The following DSCAM variants were observed in gnomAD, a reference collection of about 807,000 sequenced individuals.
DSCAM encodes DS cell adhesion molecule, also known as cell adhesion molecule DSCAM.
DSCAM carries 47 observed loss-of-function variants against 217.7 expected under a neutral mutation model. That is an observed-to-expected ratio of 0.22 (90% CI 0.17 to 0.28). DSCAM has a LOEUF of 0.28. DSCAM is among the 10% of genes least tolerant of loss of function. The pLI is 1.00. For missense variants in DSCAM, 2,080 were observed against 2,618.3 expected, an observed-to-expected ratio of 0.79 and a Z score of 4.49; for synonymous variants, 1,056 against 1,015.3, an observed-to-expected ratio of 1.04 and a Z score of -0.76.
In DSCAM at chr21:40,617,147, G is replaced by A. The variant is rs1335529043; in HGVS notation, c.508+75663C>T. Among the ~76,000 whole-genome samples, 76 of 131,248 alleles carry A rather than the reference G, an allele frequency of 5.8e-4. 1 individual carries two copies. The highest frequency in any genetic ancestry group is 2.1e-3 in the South Asian group (8 of 3,882). 86.1% of individuals were successfully genotyped at this position (131,248 alleles called of 152,430 possible). A position where few individuals can be genotyped will look rare whatever the true frequency, so the allele number is the denominator to read the frequency against. ...TTTTTTTTTTTTTTTTTTTTAAGAC[G>A]GAGTCTTGCTCAGTTGCCCAGGCTG... On this transcript the variant is annotated intron_variant, in intron 3 of 32. Coordinates refer to ENST00000400454, the MANE Select transcript of DSCAM (RefSeq NM_001389.5).
At chr21:40,338,477 A>C in intron 7 of DSCAM, 101 bp from the exon 8 acceptor site, 2 of 1,213,118 alleles carry the variant, frequency 1.6e-6, no homozygotes, top group Non-Finnish European at 2.3e-6. Context: ...GATTATATTC[A>C]TGTAAGCACA....
chr21:40,614,019 C>T (rs2089351754), intron 3 of DSCAM, among the ~76,000 whole-genome samples: 1 of 152,156 alleles, frequency 6.6e-6, no homozygotes, highest in African/African-American at 2.4e-5. Flanking sequence ...AGGAAAAAAG[C>T]ACACCCATAT....
At chr21:40,835,827 AT>A (rs1163862772) in intron 1 of DSCAM, among the ~76,000 whole-genome samples, 1 of 152,168 alleles carries the variant, frequency 6.6e-6, no homozygotes, top group African/African-American at 2.4e-5. Context: ...ACTGCCCTCT[AT>A]TTTGTCATAT....
chr21:40,471,559 G>T (rs1324886534), intron 3 of DSCAM, among the ~76,000 whole-genome samples: 2 of 152,164 alleles, frequency 1.3e-5, no homozygotes, highest in Non-Finnish European at 2.9e-5. Context: ...TGATCAGCTG[G>T]CTATGATTTT....
intron 3 of DSCAM, among the ~76,000 whole-genome samples, chr21:40,401,179 A>C (rs1322049134): frequency 6.6e-6 from 1 of 152,238 alleles, no homozygotes; most frequent in African/African-American, 2.4e-5. Flanking sequence ...AAGTAACAGT[A>C]ACAGGAAAAG....
At chr21:40,344,575 C>T (rs2074537697) in intron 6 of DSCAM, among the ~76,000 whole-genome samples, 1 of 152,108 alleles carries the variant, frequency 6.6e-6, no homozygotes, top group Non-Finnish European at 1.5e-5. Context: ...GTTTTCTTTT[C>T]AACATTTTAA....
At chr21:40,490,831 A>C (rs2076070829) in intron 3 of DSCAM, among the ~76,000 whole-genome samples, 1 of 152,238 alleles carries the variant, frequency 6.6e-6, no homozygotes, top group African/African-American at 2.4e-5. Flanking sequence ...ATTCCTTGTC[A>C]CTGGGGATTT....
chr21:40,396,814 T>C (rs1443636146), intron 3 of DSCAM, among the ~76,000 whole-genome samples: 3 of 152,294 alleles, frequency 2.0e-5, no homozygotes, highest in Non-Finnish European at 2.9e-5. Flanking sequence ...TGAATAAACA[T>C]AGAAATTGAC....
chr21:40,768,179 C>A (rs1249537805), intron 1 of DSCAM, among the ~76,000 whole-genome samples: 2 of 152,138 alleles, frequency 1.3e-5, no homozygotes, highest in African/African-American at 4.8e-5. Flanking sequence ...CTGAACTGCA[C>A]CCAGATTGCA....
chr21:40,650,690 C>T (rs1021153777), intron 3 of DSCAM, among the ~76,000 whole-genome samples: 20 of 152,244 alleles, frequency 1.3e-4, no homozygotes, highest in Non-Finnish European at 1.0e-4. Flanking sequence ...CCAAGGCGGG[C>T]GGATCATGAG....
intron 1 of DSCAM, among the ~76,000 whole-genome samples, chr21:40,740,481 T>C (rs1373522658): frequency 6.6e-6 from 1 of 152,242 alleles, no homozygotes; most frequent in Non-Finnish European, 1.5e-5. Context: ...TAAAAAGCTC[T>C]TCTTTAAAAT....
At chr21:40,284,940 T>C (rs758195646) in intron 10 of DSCAM, among the ~76,000 whole-genome samples, 1 of 152,210 alleles carries the variant, frequency 6.6e-6, no homozygotes, top group African/African-American at 2.4e-5. Context: ...CAATGGAAAT[T>C]TCATGGTCTA....
At chr21:40,591,080 T>C (rs961970790) in intron 3 of DSCAM, among the ~76,000 whole-genome samples, 5 of 150,680 alleles carry the variant, frequency 3.3e-5, no homozygotes, top group African/African-American at 1.2e-4. Flanking sequence ...CTCGTGATAG[T>C]GAAGGAGTTC....
intron 1 of DSCAM, among the ~76,000 whole-genome samples, chr21:40,792,156 TTTGA>T (rs1490601461): frequency 1.6e-3 from 233 of 148,286 alleles, no homozygotes; most frequent in African/African-American, 5.5e-3. Context: ...TTTTTTTTTT[TTTGA>T]GACAGAGTCT....
intron 30 of DSCAM, among the ~76,000 whole-genome samples, chr21:40,050,994 A>G (rs772490707): frequency 6.6e-6 from 1 of 152,206 alleles, no homozygotes; most frequent in Non-Finnish European, 1.5e-5. Context: ...TGTTTTCTGT[A>G]TATTACAATG....
At chr21:40,237,174 G>A (rs891274597) in intron 11 of DSCAM, among the ~76,000 whole-genome samples, 3 of 152,064 alleles carry the variant, frequency 2.0e-5, no homozygotes, top group Admixed American at 6.5e-5. Context: ...TGAACTCAAG[G>A]GTGTCAGCAG....
intron 3 of DSCAM, among the ~76,000 whole-genome samples, chr21:40,620,022 AAGAAAGAG>A (rs1191489411): frequency 6.9e-5 from 9 of 129,808 alleles, no homozygotes; most frequent in African/African-American, 2.2e-4. Context: ...AAGAAAAAGA[AAGAAAGAG>A]AGAGAGAAAG....
rs2090126903 is a variant in DSCAM at position 40,660,472 on chromosome 21, C to A, written c.508+32338G>T. 5.9e-5 allele frequency among the ~76,000 whole-genome samples: 9 copies of A among 152,156 alleles called. No individual in the cohort carries two copies. The South Asian group carries it at 1.9e-3, about 32-fold the overall frequency. On this transcript the variant is annotated intron_variant, in intron 3 of 32. Transcript: ENST00000400454. ...TCTGCAATCCCACAATCCAAAAATA[C>A]CTCAAAAATGAAAAAGTATTTTCAT...
At chr21:40,704,377 C>A (rs1419834873) in intron 2 of DSCAM, among the ~76,000 whole-genome samples, 1 of 152,074 alleles carries the variant, frequency 6.6e-6, no homozygotes, top group African/African-American at 2.4e-5. Flanking sequence ...TTTTTTCTAT[C>A]GCTGACTAAT....
Sources: gnomAD v4.1 joint callset for allele counts (sites outside exome capture counted in the v4.1 genomes callset) on GRCh38, gnomAD v4.1.1 for gene constraint, MANE v1.5 for transcripts, NCBI Gene and HGNC (gene_info 2026-07-23, HGNC 2026-07-21) for gene names.